The following IKZF1 variants were observed in gnomAD, a reference collection of about 807,000 sequenced individuals.
IKZF1 encodes the protein IKAROS family zinc finger 1.
In IKZF1, 10 loss-of-function variants were observed where a neutral mutation model predicts 51.7. The observed-to-expected ratio is 0.19, with a 90% CI of 0.12 to 0.33. The LOEUF is 0.33. IKZF1 is among the 10% of genes least tolerant of loss of function. IKZF1 has a pLI of 1.00. For missense variants in IKZF1, 484 were observed against 707.5 expected, an observed-to-expected ratio of 0.68 and a Z score of 3.58; for synonymous variants, 280 against 282.3, an observed-to-expected ratio of 0.99 and a Z score of 0.08.
chr7:50,400,674 G>T lies in IKZF1; in HGVS notation c.*47G>T, dbSNP rs940911904. The stretch of plus-strand genomic sequence containing the variant: ...CAGACCCCGAGCCACCCCAGGAAAA[G>T]CACAAGGACTGCCGCCTTCTCGCTC... On this transcript the variant is annotated 3_prime_UTR_variant, in exon 8 of 8. Coordinates refer to ENST00000331340, the MANE Select transcript of IKZF1 (RefSeq NM_006060.6). The surrounding 1 kb of genome is among the most constrained non-coding windows in gnomAD (Gnocchi z 5.4). 40 of 1,556,674 alleles carry T rather than the reference G, an allele frequency of 2.6e-5. No homozygotes were observed. The highest frequency in any genetic ancestry group is 3.5e-5 in the Non-Finnish European group (40 of 1,156,302).
chr7:50,386,407 C>T (rs111601101), intron 5 of IKZF1, among the ~76,000 whole-genome samples: 9,428 of 152,276 alleles, frequency 0.062, 484 homozygotes, highest in South Asian at 0.093. Context: ...TGTCCAACAG[C>T]TACATATGGC....
intron 7 of IKZF1, among the ~76,000 whole-genome samples, chr7:50,392,509 C>T (rs1815422408): frequency 6.6e-6 from 1 of 152,102 alleles, no homozygotes; most frequent in Non-Finnish European, 1.5e-5. Flanking sequence ...AGCCAGGGTC[C>T]GAGTGGAAAG....
Position 50,376,939 on chromosome 7 carries a change from T to C in IKZF1, c.421+146T>C, listed in dbSNP as rs763582985. 885 of 1,356,444 alleles carry C rather than the reference T, an allele frequency of 6.5e-4. 1 individual carries two copies. The highest frequency in any genetic ancestry group is 8.2e-4 in the Non-Finnish European group (832 of 1,014,026). 84.0% of individuals were successfully genotyped at this position (1,356,444 alleles called of 1,614,324 possible). On this transcript the variant is annotated intron_variant, in intron 4 of 7. Coordinates refer to ENST00000331340, the MANE Select transcript of IKZF1 (RefSeq NM_006060.6). This position sits in a 1 kb window ranked among gnomAD's most constrained non-coding sequence, Gnocchi z 4.5. ...GTTGCAAGCGATTGGTTCCAAGTGG[T>C]ACCGAGTCATAGAGTCCTTGTTCTG...
chr7:50,395,781 A>G (rs1485796549), intron 7 of IKZF1, among the ~76,000 whole-genome samples: 1 of 152,134 alleles, frequency 6.6e-6, no homozygotes, highest in Admixed American at 6.5e-5. Flanking sequence ...TTCTATTTCT[A>G]TCATTGTATT....
chr7:50,322,913 G>A (rs1183970220), intron 2 of IKZF1, among the ~76,000 whole-genome samples: 6 of 152,092 alleles, frequency 3.9e-5, no homozygotes. Flanking sequence ...ATAGATATTG[G>A]ATATTGGTTT....
At chr7:50,304,086 C>G (rs867748334), upstream of IKZF1, 2 of 144,772 alleles carry the variant, frequency 1.4e-5, no homozygotes, top group African/African-American at 5.0e-5. Context: ...CGCGGGCGAG[C>G]GGGCTGCAGC....
At chr7:50,385,160 T>C (rs113234906) in intron 5 of IKZF1, among the ~76,000 whole-genome samples, 11,173 of 152,224 alleles carry the variant, frequency 0.073, 534 homozygotes, top group South Asian at 0.094. Flanking sequence ...AAACCCATCA[T>C]GGATGCAGGG....
intron 3 of IKZF1, among the ~76,000 whole-genome samples, chr7:50,358,638 G>A (rs1804243658): frequency 6.6e-6 from 1 of 152,220 alleles, no homozygotes; most frequent in African/African-American, 2.4e-5. Context: ...GTGGTTGGAG[G>A]CAGGGTGCTG....
chr7:50,348,334 G>A (rs919009441), intron 3 of IKZF1, among the ~76,000 whole-genome samples: 13 of 152,220 alleles, frequency 8.5e-5, no homozygotes, highest in South Asian at 2.1e-4. Flanking sequence ...AGAAGGAGAA[G>A]GAGAGGGGCG....
Position 50,400,015 on chromosome 7 carries a change from C to T in IKZF1, c.948C>T (p.Asn316=), listed in dbSNP as rs2153517737. ...MKSHVMDQAI[N]NAINYLGAES... ...CCCACGTGATGGACCAAGCCATCAA[C>T]AACGCCATCAACTACCTGGGGGCCG... Residue 316 remains asparagine, a synonymous_variant, in exon 8 of 8, where the codon AAC becomes AAT. Coordinates refer to ENST00000331340, the MANE Select transcript of IKZF1 (RefSeq NM_006060.6). This position sits in a 1 kb window ranked among gnomAD's most constrained non-coding sequence, Gnocchi z 5.4. 4 of 1,613,158 alleles carry T rather than the reference C, an allele frequency of 2.5e-6. No individual in the cohort carries two copies. Among genetic ancestry groups the T allele is most frequent in the Non-Finnish European group, 3.4e-6 (4 of 1,179,662 alleles).
At chr7:50,317,282 C>A (rs1054911284) in intron 1 of IKZF1, among the ~76,000 whole-genome samples, 1 of 152,218 alleles carries the variant, frequency 6.6e-6, no homozygotes, top group Non-Finnish European at 1.5e-5. Flanking sequence ...TGATAGGCCG[C>A]GCTAAAATAC....
At chr7:50,313,064 A>G (rs894522973) in intron 1 of IKZF1, among the ~76,000 whole-genome samples, 4 of 152,258 alleles carry the variant, frequency 2.6e-5, no homozygotes, top group Non-Finnish European at 4.4e-5. Flanking sequence ...ACGAAAACCT[A>G]TAAGGTCTCT....
At chr7:50,350,160 G>A (rs1801477602) in intron 3 of IKZF1, among the ~76,000 whole-genome samples, 1 of 152,218 alleles carries the variant, frequency 6.6e-6, no homozygotes, top group South Asian at 2.1e-4. Flanking sequence ...GCCTGGAGCC[G>A]GCTGCCCACT....
rs553569568 is a variant in IKZF1, at chr7:50,399,952, C to T, written c.885C>T (p.Ser295=). ...GCCTGTCCGACACGCCCTACGACAG[C>T]AGCGCCAGCTACGAGAAGGAGAACG... ...DKGLSDTPYD[S]SASYEKENEM... The change falls in exon 8 of 8, where the codon AGC becomes AGT. Residue 295 remains serine (S), a synonymous_variant. Coordinates refer to ENST00000331340, the MANE Select transcript of IKZF1 (RefSeq NM_006060.6). 1 of 1,613,328 alleles carries T rather than the reference C, an allele frequency of 6.2e-7. No individual in the cohort carries two copies. The highest frequency in any genetic ancestry group is 1.1e-5 in the South Asian group (1 of 90,818).
chr7:50,374,563 G>T (rs376462845), intron 3 of IKZF1, among the ~76,000 whole-genome samples: 2 of 152,304 alleles, frequency 1.3e-5, no homozygotes, highest in African/African-American at 4.8e-5. Context: ...CCTTGTGAAG[G>T]TTAAATGGCA....
At chr7:50,346,754 A>C (rs1728110284) in intron 3 of IKZF1, among the ~76,000 whole-genome samples, 1 of 152,212 alleles carries the variant, frequency 6.6e-6, no homozygotes, top group Non-Finnish European at 1.5e-5. Flanking sequence ...AGTTTGCCAA[A>C]GCTAACTGTG....
chr7:50,386,211 C>G (rs544945588), intron 5 of IKZF1, among the ~76,000 whole-genome samples: 1 of 152,306 alleles, frequency 6.6e-6, no homozygotes, highest in East Asian at 1.9e-4. Context: ...GATATTAATT[C>G]CTGGCTAGTC....
At chr7:50,398,403 C>T (rs1019647118) in intron 7 of IKZF1, among the ~76,000 whole-genome samples, 1 of 152,206 alleles carries the variant, frequency 6.6e-6, no homozygotes, top group Non-Finnish European at 1.5e-5. Context: ...AACCTTCACT[C>T]GGTCCTGCCA....
chr7:50,339,746 C>CA (rs1209744190), intron 3 of IKZF1, among the ~76,000 whole-genome samples: 3,267 of 122,288 alleles, frequency 0.027, 46 homozygotes, highest in Non-Finnish European at 0.031. Flanking sequence ...AACTCCTTCT[C>CA]AAAAAAAAAA....
Sources: gnomAD v4.1 joint callset for allele counts (sites outside exome capture counted in the v4.1 genomes callset) on GRCh38, gnomAD v4.1.1 for gene constraint, Gnocchi (gnomAD v3.1) non-coding constraint, MANE v1.5 for transcripts, NCBI Gene and HGNC (gene_info 2026-07-23, HGNC 2026-07-21) for gene names.